The following SNX24 variants were observed in gnomAD, a reference collection of about 807,000 sequenced individuals.
SNX24 encodes sorting nexin 24.
A neutral mutation model predicts 28.7 loss-of-function variants in SNX24; 22 were observed. The ratio of observed to expected loss-of-function variants is 0.77; its 90% confidence interval spans 0.55 to 1.10. The LOEUF is 1.10. Among genes scored for constraint, SNX24 ranks in the 50% least tolerant of loss-of-function variants. SNX24 has a pLI of 0.00. For synonymous variants in SNX24, 69 were observed against 71.5 expected, an observed-to-expected ratio of 0.96 and a Z score of 0.18; for missense variants, 221 against 201.1, an observed-to-expected ratio of 1.10 and a Z score of -0.60.
At chr5:122,898,815 A>C (rs1338564003) in intron 1 of SNX24, among the ~76,000 whole-genome samples, 1 of 152,228 alleles carries the variant, frequency 6.6e-6, no homozygotes, top group Non-Finnish European at 1.5e-5. Flanking sequence ...GGTAACTAAC[A>C]TGCAGCCAGA....
At chr5:122,979,430 G>A (rs1761302652) in intron 3 of SNX24, among the ~76,000 whole-genome samples, 1 of 152,138 alleles carries the variant, frequency 6.6e-6, no homozygotes, top group East Asian at 1.9e-4. Context: ...GAAAAGGGGT[G>A]TAGATCTGGG....
chr5:122,875,720 C>G (rs937840315), intron 1 of SNX24, among the ~76,000 whole-genome samples: 1 of 152,190 alleles, frequency 6.6e-6, no homozygotes, highest in African/African-American at 2.4e-5. Flanking sequence ...ATAGTTGTTA[C>G]CATCCTAGGT....
At chr5:122,953,704 T>G (rs567569271) in intron 3 of SNX24, among the ~76,000 whole-genome samples, 1 of 152,342 alleles carries the variant, frequency 6.6e-6, no homozygotes, top group Non-Finnish European at 1.5e-5. Context: ...CTTGTTCCAT[T>G]TATTACAATA....
chr5:122,925,149 C>T (rs1273898417), intron 1 of SNX24, among the ~76,000 whole-genome samples: 4 of 111,578 alleles, frequency 3.6e-5, no homozygotes, highest in Admixed American at 3.5e-4. Context: ...TTACCCCTGC[C>T]CCTCCCATCC....
chr5:122,911,039 G>A (rs965719199), intron 1 of SNX24, among the ~76,000 whole-genome samples: 2 of 152,156 alleles, frequency 1.3e-5, no homozygotes, highest in Non-Finnish European at 2.9e-5. Flanking sequence ...CTGAGGAATC[G>A]CCACAGTGAC....
intron 3 of SNX24, among the ~76,000 whole-genome samples, chr5:122,971,136 C>T (rs1760941726): frequency 6.6e-6 from 1 of 152,132 alleles, no homozygotes; most frequent in Non-Finnish European, 1.5e-5. Context: ...CCTGAGAGCC[C>T]CTGGCAAACC....
chr5:122,951,491 C>T (rs1759941200), intron 3 of SNX24, among the ~76,000 whole-genome samples: 1 of 152,128 alleles, frequency 6.6e-6, no homozygotes, highest in Non-Finnish European at 1.5e-5. Context: ...TTACCAGTTT[C>T]TGAAAAGCAG....
intron 1 of SNX24, among the ~76,000 whole-genome samples, chr5:122,922,077 T>A (rs1356362528): frequency 6.6e-6 from 1 of 152,196 alleles, no homozygotes. Flanking sequence ...CCGACCTTGT[T>A]AGATTCCTAA....
intron 1 of SNX24, among the ~76,000 whole-genome samples, chr5:122,934,895 G>T (rs1561620656): frequency 6.6e-6 from 1 of 151,612 alleles, no homozygotes; most frequent in Non-Finnish European, 1.5e-5. Context: ...TGCTTGTGAA[G>T]AGTAACTGTG....
At chr5:122,987,342 A>G (rs986302463) in intron 3 of SNX24, among the ~76,000 whole-genome samples, 3 of 152,218 alleles carry the variant, frequency 2.0e-5, no homozygotes, top group Non-Finnish European at 4.4e-5. Flanking sequence ...AAGACCAGCT[A>G]GATCAGAAAC....
At chr5:122,857,523 A>T (rs934439912) in intron 1 of SNX24, among the ~76,000 whole-genome samples, 15 of 151,872 alleles carry the variant, frequency 9.9e-5, no homozygotes, top group African/African-American at 2.9e-4. Context: ...TAAACCTAGT[A>T]CCTGATAGTT....
At chr5:122,972,581 G>A (rs776528812) in intron 3 of SNX24, among the ~76,000 whole-genome samples, 5 of 152,214 alleles carry the variant, frequency 3.3e-5, no homozygotes, top group Non-Finnish European at 5.9e-5. Context: ...AGCATGAGCT[G>A]ACTGCTGCAC....
chr5:122,949,825 C>G (rs1380045263), intron 3 of SNX24, among the ~76,000 whole-genome samples: 2 of 152,096 alleles, frequency 1.3e-5, no homozygotes, highest in Non-Finnish European at 2.9e-5. Flanking sequence ...ACGAAAAACC[C>G]TAGCTGAATA....
chr5:122,913,455 C>G (rs1424470551), intron 1 of SNX24, among the ~76,000 whole-genome samples: 2 of 151,940 alleles, frequency 1.3e-5, no homozygotes, highest in East Asian at 3.9e-4. Flanking sequence ...ACCCCCACCT[C>G]CCTTCCGGAC....
At chr5:122,869,915 ATGT>A (rs1212262200) in intron 1 of SNX24, among the ~76,000 whole-genome samples, 1 of 138,952 alleles carries the variant, frequency 7.2e-6, no homozygotes, top group Non-Finnish European at 1.5e-5. Flanking sequence ...TTTTTTACTG[ATGT>A]TGTTTGTACA....
rs1762899012 is a variant in SNX24, at chr5:123,028,747, T to C, written n.384-491T>C. The stretch of plus-strand genomic sequence containing the variant: ...TAACCTTAGATTTCGGTTTGGTAAA[T>C]GGGAAAGGAAAAATGCAAAGACGTT... On this transcript the variant is annotated intron_variant and non_coding_transcript_variant, in intron 5 of 5. Coordinates refer to the SNX24 transcript ENST00000502387. The C allele has an allele frequency of 3.8e-6, 6 of 1,572,940 alleles. No homozygotes were observed. The South Asian group carries it at 6.7e-5, about 18-fold the overall frequency.
Position 122,898,545 on chromosome 5 carries a change from C to A in SNX24, c.61-38189C>A, listed in dbSNP as rs187345865. The stretch of plus-strand genomic sequence containing the variant: ...GCAGCACTCTGAGTTTGTGTATAGG[C>A]AGAGCTCAGATTTTCTCCATCTTTG... On this transcript the variant is annotated intron_variant, in intron 1 of 6. Coordinates refer to ENST00000261369, the MANE Select transcript of SNX24 (RefSeq NM_014035.4). 4.6e-5 allele frequency among the ~76,000 whole-genome samples: 7 copies of A among 152,252 alleles called. No homozygotes were observed. The East Asian group carries it at 1.4e-3, about 29-fold the overall frequency.
intron 1 of SNX24, among the ~76,000 whole-genome samples, chr5:122,868,642 A>G (rs910744376): frequency 6.6e-6 from 1 of 152,172 alleles, no homozygotes; most frequent in Non-Finnish European, 1.5e-5. Context: ...GAGCCTATCC[A>G]TATTCTGGGA....
chr5:122,926,294 G>A (rs1246393416), intron 1 of SNX24, among the ~76,000 whole-genome samples: 7 of 152,168 alleles, frequency 4.6e-5, no homozygotes, highest in Admixed American at 1.3e-4. Flanking sequence ...CTGGACCAGG[G>A]TGAGTGAGAG....
Sources: gnomAD v4.1 joint callset for allele counts (sites outside exome capture counted in the v4.1 genomes callset) on GRCh38, gnomAD v4.1.1 for gene constraint, MANE v1.5 for transcripts, NCBI Gene and HGNC (gene_info 2026-07-23, HGNC 2026-07-21) for gene names.